The following GLIPR2 variants were observed in gnomAD, a reference collection of about 807,000 sequenced individuals.
The protein encoded by GLIPR2 is GLI pathogenesis related 2.
In GLIPR2, 21 loss-of-function variants were observed where a neutral mutation model predicts 20.4. The ratio of observed to expected loss-of-function variants is 1.03; its 90% CI spans 0.73 to 1.48. The LOEUF (loss-of-function observed/expected upper bound fraction) is 1.48. GLIPR2 is among the 40% of genes most tolerant of loss of function. GLIPR2 has a pLI of 0.00. For missense variants in GLIPR2, 205 were observed against 200.1 expected (o/e 1.02, Z -0.15); for synonymous variants, 91 against 80.5 (o/e 1.13, Z -0.70).
chr9:36,146,315 C>A (rs1825322287), intron 1 of GLIPR2: 1 of 152,198 alleles, frequency 6.6e-6, no homozygotes, highest in African/African-American at 2.4e-5. Context: ...AAAGATCTCA[C>A]TCCTCCGCAT....
intron 4 of GLIPR2, among the ~76,000 whole-genome samples, chr9:36,159,890 TG>T (rs1432025308): frequency 6.6e-6 from 1 of 151,906 alleles, no homozygotes; most frequent in Non-Finnish European, 1.5e-5. Flanking sequence ...TGCTTGAACA[TG>T]GGAGGTGGAG....
intron 4 of GLIPR2, among the ~76,000 whole-genome samples, chr9:36,157,007 ATTTAT>A (rs1825862421): frequency 1.3e-5 from 2 of 151,766 alleles, no homozygotes; most frequent in South Asian, 4.2e-4. Flanking sequence ...TTTTATTTTA[ATTTAT>A]TTTATTTTAT....
chr9:36,159,283 T>G (rs1825958817), intron 4 of GLIPR2, among the ~76,000 whole-genome samples: 2 of 152,150 alleles, frequency 1.3e-5, no homozygotes, highest in Admixed American at 1.3e-4. Context: ...GAAAAGGAAC[T>G]GAGATGTTTG....
At chr9:36,137,962 A>G (rs941573906) in intron 1 of GLIPR2, among the ~76,000 whole-genome samples, 1 of 152,194 alleles carries the variant, frequency 6.6e-6, no homozygotes, top group African/African-American at 2.4e-5. Context: ...CCAGCCAATC[A>G]CTGGCTGTGT....
At chr9:36,143,392 G>T (rs959656377) in intron 1 of GLIPR2, among the ~76,000 whole-genome samples, 1 of 152,204 alleles carries the variant, frequency 6.6e-6, no homozygotes, top group African/African-American at 2.4e-5. Flanking sequence ...CGCATTTGTG[G>T]TCACCACTGC....
At chr9:36,146,840 G>A (rs1023710060) in intron 1 of GLIPR2, among the ~76,000 whole-genome samples, 19 of 152,220 alleles carry the variant, frequency 1.2e-4, no homozygotes, top group Admixed American at 7.2e-4. Context: ...TTCAGCTCTC[G>A]GGTGGAAGCC....
Position 36,154,101 on chromosome 9 carries a change from T to TCCCC in GLIPR2, c.304+3158_304+3161dup, listed in dbSNP as rs61572959. Among the ~76,000 whole-genome samples, 177 of 137,362 alleles carry TCCCC rather than the reference T, an allele frequency of 1.3e-3. 3 individuals are homozygous for TCCCC. The highest frequency in any genetic ancestry group is 4.7e-3 in the African/African-American group (170 of 36,540). The allele number at this position is 137,362 out of a possible 152,430, so 90.1% of individuals were successfully genotyped here. On this transcript the variant is annotated intron_variant, in intron 4 of 4. Transcript: ENST00000377960. Reference sequence around the variant, plus strand: ...TTATATATTATATATATATATCTTTTCCCCCCCCCTTTGAGACCGAGTCTC... The same window carrying TCCCC: ...TTATATATTATATATATATATCTTTTCCCCCCCCCCCCCTTTGAGACCGAGTCTC...
At chr9:36,139,781 C>T (rs1184136322) in intron 1 of GLIPR2, among the ~76,000 whole-genome samples, 1 of 152,140 alleles carries the variant, frequency 6.6e-6, no homozygotes, top group Non-Finnish European at 1.5e-5. Flanking sequence ...CCAGAAGACG[C>T]TTGGCCTAGT....
At chr9:36,148,751 C>T in intron 3 of GLIPR2, 101 bp downstream of exon 3, 1 of 761,006 alleles carries the variant, frequency 1.3e-6, no homozygotes, top group Middle Eastern at 2.4e-4. Flanking sequence ...GGTGTAGCCA[C>T]AGGCCCAGGA....
chr9:36,147,095 C>G (rs1825361602), intron 1 of GLIPR2, among the ~76,000 whole-genome samples: 1 of 152,228 alleles, frequency 6.6e-6, no homozygotes, highest in African/African-American at 2.4e-5. Flanking sequence ...GAAACACTCT[C>G]ACAGACACAC....
chr9:36,143,333 A>C (rs188037278), intron 1 of GLIPR2, among the ~76,000 whole-genome samples: 14 of 151,958 alleles, frequency 9.2e-5, no homozygotes, highest in Non-Finnish European at 1.8e-4. Flanking sequence ...TCCTCCATTC[A>C]TGCTTCCTGA....
chr9:36,141,271 G>C (rs1456874539), intron 1 of GLIPR2, among the ~76,000 whole-genome samples: 2 of 152,302 alleles, frequency 1.3e-5, no homozygotes, highest in East Asian at 3.9e-4. Flanking sequence ...CCAGTAAAAG[G>C]CAGTGCGGGG....
chr9:36,162,548 C>T lies in GLIPR2; in HGVS notation c.*26C>T, dbSNP rs1826102923. ...CTTGTTAAATGTAATGGGAAGGTGG[C>T]AGACTTAAGAACGTGGATATGAAGT... On this transcript the variant is annotated 3_prime_UTR_variant, in exon 5 of 5. Coordinates refer to ENST00000377960, the MANE Select transcript of GLIPR2 (RefSeq NM_022343.4). 1.2e-6 allele frequency: 2 copies of T among 1,611,904 alleles called. No individual in the cohort carries two copies. Among genetic ancestry groups the T allele is most frequent in the Non-Finnish European group, 1.7e-6 (2 of 1,178,838 alleles).
At chr9:36,139,466 A>T (rs1824974525) in intron 1 of GLIPR2, among the ~76,000 whole-genome samples, 1 of 152,152 alleles carries the variant, frequency 6.6e-6, no homozygotes, top group African/African-American at 2.4e-5. Context: ...TCCCTAAAAG[A>T]AAATGACTTT....
chr9:36,144,618 C>G (rs1283406853), intron 1 of GLIPR2: 1 of 152,510 alleles, frequency 6.6e-6, no homozygotes, highest in Non-Finnish European at 1.5e-5. Flanking sequence ...TGCCTGTCAA[C>G]CAAAACCTCA....
At chr9:36,155,478 C>T (rs1035813702) in intron 4 of GLIPR2, among the ~76,000 whole-genome samples, 1 of 152,088 alleles carries the variant, frequency 6.6e-6, no homozygotes, top group Non-Finnish European at 1.5e-5. Flanking sequence ...TCTGTAATCC[C>T]AGCTACTCAG....
rs182407648 is a variant in GLIPR2 at position 36,141,654 on chromosome 9, T to C, written c.13+4863T>C. Among the ~76,000 whole-genome samples, 169 of 152,150 alleles carry C rather than the reference T, an allele frequency of 1.1e-3. 2 individuals carry two copies. Among genetic ancestry groups the C allele is most frequent in the Non-Finnish European group, 7.2e-4 (49 of 68,000 alleles). The stretch of plus-strand genomic sequence containing the variant: ...AGGGGCATAGACCTCCTCAGAATCT[T>C]TTTTTTCTTTTTCTTTTGAGTCAAG... On this transcript the variant is annotated intron_variant, in intron 1 of 4. Transcript: ENST00000377960.
chr9:36,143,007 C>T (rs1541036), intron 1 of GLIPR2, among the ~76,000 whole-genome samples: 51,517 of 152,098 alleles, frequency 0.34, 9,110 homozygotes, highest in East Asian at 0.48. Context: ...CTGGCGTTGG[C>T]GGACACAGTG....
Position 36,136,998 on chromosome 9 carries a change from G to A in GLIPR2, c.13+207G>A. ...CGAGGGAGGCCCCCGCCGGAGAGCC[G>A]GGGATCGCGCCAAGTTGGGCTTCCC... is the stretch of plus-strand genomic sequence containing the variant. On this transcript the variant is annotated intron_variant, in intron 1 of 4. Coordinates refer to ENST00000377960, the MANE Select transcript of GLIPR2 (RefSeq NM_022343.4). This position sits in a 1 kb window ranked among gnomAD's most constrained non-coding sequence, Gnocchi z 4.3. 1 of 501,568 alleles carries A rather than the reference G, an allele frequency of 2.0e-6. No individual in the cohort carries two copies. Among genetic ancestry groups the A allele is most frequent in the Non-Finnish European group, 3.1e-6 (1 of 323,352 alleles). The allele number at this position is 501,568 out of a possible 1,614,324, so 31.1% of individuals were successfully genotyped here. A position where few individuals can be genotyped will look rare whatever the true frequency, so the allele number is the denominator to read the frequency against.
Sources: gnomAD v4.1 joint callset for allele counts (sites outside exome capture counted in the v4.1 genomes callset) on GRCh38, gnomAD v4.1.1 for gene constraint, Gnocchi (gnomAD v3.1) non-coding constraint, MANE v1.5 for transcripts, NCBI Gene and HGNC (gene_info 2026-07-23, HGNC 2026-07-21) for gene names.